Variants in KDM5B observed in about 807,000 individuals in gnomAD.
KDM5B encodes lysine-specific demethylase 5B.
KDM5B carries 144 observed loss-of-function variants against 193.4 expected under a neutral mutation model. That is an observed-to-expected ratio of 0.74 (90% CI 0.65 to 0.86). The LOEUF (loss-of-function observed/expected upper bound fraction) is 0.86, where lower values mean the gene tolerates loss of function less well. Among genes scored for constraint, KDM5B ranks in the 40% least tolerant of loss-of-function variants. KDM5B has a pLI of 0.00. For synonymous variants in KDM5B, 668 were observed against 682.6 expected, an observed-to-expected ratio of 0.98 and a Z score of 0.33; for missense variants, 1,833 against 1,886.9, an observed-to-expected ratio of 0.97 and a Z score of 0.53.
chr1:202,781,164 T>C (rs1281263611), intron 1 of KDM5B, among the ~76,000 whole-genome samples: 1 of 152,138 alleles, frequency 6.6e-6, no homozygotes, highest in Non-Finnish European at 1.5e-5. Flanking sequence ...TTAGGCATAG[T>C]GGTGCAAACC....
intron 1 of KDM5B, among the ~76,000 whole-genome samples, chr1:202,788,115 A>G (rs1446412163): frequency 6.6e-6 from 1 of 152,144 alleles, no homozygotes; most frequent in African/African-American, 2.4e-5. Context: ...CAGCCCTTTC[A>G]AGTGTATTCT....
chr1:202,741,213 G>A (rs1450331482), intron 19 of KDM5B, among the ~76,000 whole-genome samples, 154 bp downstream of exon 19: 1 of 152,210 alleles, frequency 6.6e-6, no homozygotes, highest in Non-Finnish European at 1.5e-5. Flanking sequence ...AGGTCCCAAA[G>A]CAGCTCCAAA....
chr1:202,775,895 T>A (rs1185290525), intron 2 of KDM5B, among the ~76,000 whole-genome samples: 2 of 130,782 alleles, frequency 1.5e-5, no homozygotes, highest in Admixed American at 1.7e-4. Context: ...TATATATATA[T>A]ATATATATAA....
At chr1:202,752,050 G>C (rs145708662) in intron 12 of KDM5B, among the ~76,000 whole-genome samples, 1 of 152,214 alleles carries the variant, frequency 6.6e-6, no homozygotes, top group East Asian at 1.9e-4. Context: ...GAACCCAAAA[G>C]CATAAACTTT....
Position 202,808,390 on chromosome 1 carries a change from G to C in KDM5B, c.-85C>G. The stretch of plus-strand genomic sequence containing the variant: ...CGCTCGGTCCGAGACCCGTGCAGAC[G>C]CGGCTCGAGCAACAGCAAGTCCGAG... On this transcript the variant is annotated 5_prime_UTR_variant, in exon 1 of 27. Transcript: ENST00000367265. The C allele has an allele frequency of 7.8e-7, 1 of 1,278,510 alleles. No individual in the cohort carries two copies. Among genetic ancestry groups the C allele is most frequent in the Non-Finnish European group, 1.1e-6 (1 of 951,618 alleles). 79.2% of individuals were successfully genotyped at this position (1,278,510 alleles called of 1,614,324 possible).
At chr1:202,775,925 T>C (rs748607035) in intron 2 of KDM5B, among the ~76,000 whole-genome samples, 39 of 125,678 alleles carry the variant, frequency 3.1e-4, no homozygotes, top group Non-Finnish European at 5.4e-4. Flanking sequence ...ACACATACAT[T>C]AACTCAACAA....
intron 7 of KDM5B, 26 bp from the exon 8 acceptor site, chr1:202,760,599 A>C: frequency 6.5e-7 from 1 of 1,529,976 alleles, no homozygotes; most frequent in East Asian, 2.4e-5. Flanking sequence ...TGGGTACAGA[A>C]CAAAGGAACA....
chr1:202,749,275 G>T, intron 13 of KDM5B, 136 bp from the exon 14 acceptor site: 1 of 736,292 alleles, frequency 1.4e-6, no homozygotes, highest in Non-Finnish European at 2.1e-6. Context: ...CCTAAAACCA[G>T]ACTCTGGGCC....
In KDM5B at chr1:202,724,785, T is replaced by A. The variant is rs1227726749; in HGVS notation, c.*4251A>T. The A allele has an allele frequency of 6.6e-6, 1 of 152,112 alleles. No homozygotes were observed. The highest frequency in any genetic ancestry group is 2.4e-5 in the African/African-American group (1 of 41,412). 9.4% of individuals were successfully genotyped at this position (152,112 alleles called of 1,614,324 possible). On this transcript the variant is annotated 3_prime_UTR_variant, in exon 27 of 27. Coordinates refer to ENST00000367265, the MANE Select transcript of KDM5B (RefSeq NM_006618.5). ...GTGTTCACAGCAGAATCACAGTCAG[T>A]GAGAACGTATTGGCAAGGGCAGAAA... is the stretch of plus-strand genomic sequence containing the variant.
chr1:202,779,951 G>A (rs530175833), intron 1 of KDM5B, among the ~76,000 whole-genome samples: 1 of 152,056 alleles, frequency 6.6e-6, no homozygotes, highest in Admixed American at 6.5e-5. Context: ...ATATTATACA[G>A]CATTTAAAAG....
chr1:202,773,824 G>A (rs556413174), intron 3 of KDM5B, among the ~76,000 whole-genome samples: 40 of 149,872 alleles, frequency 2.7e-4, no homozygotes, highest in South Asian at 1.1e-3. Flanking sequence ...TGCAACCTCC[G>A]CCTCCTGGAT....
intron 11 of KDM5B, among the ~76,000 whole-genome samples, chr1:202,753,618 C>G (rs1655883948): frequency 6.6e-6 from 1 of 151,692 alleles, no homozygotes; most frequent in East Asian, 1.9e-4. Context: ...TTTTATCTGA[C>G]TCTTTAGAAA....
chr1:202,773,401 T>C lies in KDM5B; in HGVS notation c.406-113A>G, dbSNP rs1056253824. The C allele has an allele frequency of 1.1e-4, 89 of 799,676 alleles. No individual in the cohort carries two copies. In the Admixed American group the frequency reaches 2.3e-3, roughly 20 times the overall value. 49.5% of individuals were successfully genotyped at this position (799,676 alleles called of 1,614,324 possible). ...CTATGGTTATCTTTTAAAAACATGT[T>C]TTGCCAATCATATATATATACACAC... On this transcript the variant is annotated intron_variant, in intron 3 of 26. Coordinates refer to ENST00000367265, the MANE Select transcript of KDM5B (RefSeq NM_006618.5).
In KDM5B at chr1:202,731,898, A is replaced by T. The variant is rs1421851165; in HGVS notation, c.3951T>A (p.Asp1317Glu). The T allele has an allele frequency of 4.3e-6, 7 of 1,613,490 alleles. No individual in the cohort carries two copies. The highest frequency in any genetic ancestry group is 1.6e-4 in the Middle Eastern group (1 of 6,076). The change falls in exon 24 of 27, where the codon GAT becomes GAA. Residue 1317 changes from aspartate (D) to glutamate (E), a missense_variant. Asp to Glu is a conservative substitution (Grantham distance 45). Coordinates refer to ENST00000367265, the MANE Select transcript of KDM5B (RefSeq NM_006618.5). ...AATATGAGGTTCTGTTGTCCCAGTC[A>T]TCAGGCAAAGAAAATGATGTTGTGC... ...PPGTTSFSLP[D>E]DWDNRTSYLH...
chr1:202,799,722 A>C (rs1657999441), intron 1 of KDM5B, among the ~76,000 whole-genome samples: 1 of 152,192 alleles, frequency 6.6e-6, no homozygotes, highest in African/African-American at 2.4e-5. Context: ...ACATACACAC[A>C]GTCCCCTTGA....
chr1:202,750,597 T>C, intron 13 of KDM5B, 62 bp downstream of exon 13: 1 of 1,571,674 alleles, frequency 6.4e-7, no homozygotes, highest in African/African-American at 1.4e-5. Flanking sequence ...TAAAACATTA[T>C]ATTCCATTTC....
rs369541576 is a variant in KDM5B at position 202,797,080 on chromosome 1, G to A, written c.204+11022C>T. ...AAGTCTCTTAAAGAGACTCAATCAG[G>A]ACCAGCATCTGGGCCATTCAAAGGG... On this transcript the variant is annotated intron_variant, in intron 1 of 26. Transcript: ENST00000367265. 17 of 152,282 alleles carry A rather than the reference G, an allele frequency of 1.1e-4. 1 individual carries two copies. Among genetic ancestry groups the A allele is most frequent in the Admixed American group, 6.5e-4 (10 of 15,278 alleles). 9.4% of individuals were successfully genotyped at this position (152,282 alleles called of 1,614,324 possible). A position where few individuals can be genotyped will look rare whatever the true frequency, so the allele number is the denominator to read the frequency against.
intron 11 of KDM5B, among the ~76,000 whole-genome samples, chr1:202,753,803 A>G (rs1435151549): frequency 6.6e-6 from 1 of 151,294 alleles, no homozygotes; most frequent in Non-Finnish European, 1.5e-5. Context: ...CCGAGTAGCT[A>G]GTATTACAGG....
chr1:202,740,235 ACCCTCCCGCCT>A (rs1161382040), intron 20 of KDM5B, among the ~76,000 whole-genome samples: 1 of 134,088 alleles, frequency 7.5e-6, no homozygotes, highest in Non-Finnish European at 1.6e-5. Flanking sequence ...TTGGGGGCTG[ACCCTCCCGCCT>A]CCCTCCCGGA....
Sources: gnomAD v4.1 joint callset for allele counts (sites outside exome capture counted in the v4.1 genomes callset) on GRCh38, gnomAD v4.1.1 for gene constraint, MANE v1.5 for transcripts, NCBI Gene and HGNC (gene_info 2026-07-23, HGNC 2026-07-21) for gene names.